JAZF1: variants seen among roughly 807,000 people sequenced by gnomAD.
JAZF1 encodes JAZF zinc finger 1, also known as juxtaposed with another zinc finger protein 1.
In JAZF1, 8 loss-of-function variants were observed where a neutral mutation model predicts 26.4. That is an observed-to-expected ratio of 0.30 (90% CI 0.18 to 0.55). JAZF1 has a LOEUF of 0.55. Ranked by LOEUF, JAZF1 falls within the 20% of genes least tolerant of loss-of-function variation. The probability of loss-of-function intolerance (pLI) is 0.94; values close to 1 mark genes in which losing one functional copy is unlikely to be tolerated. For synonymous variants in JAZF1, 126 were observed against 122.3 expected (o/e 1.03, Z -0.20); for missense variants, 199 against 322.0 (o/e 0.62, Z 2.92).
chr7:28,045,745 T>C (rs1169867040), intron 1 of JAZF1, among the ~76,000 whole-genome samples: 1 of 152,058 alleles, frequency 6.6e-6, no homozygotes, highest in East Asian at 1.9e-4. Context: ...TCCCGCTAAT[T>C]TTACTTTTTG....
chr7:27,916,106 G>T (rs1784440627), intron 2 of JAZF1, among the ~76,000 whole-genome samples: 1 of 152,120 alleles, frequency 6.6e-6, no homozygotes, highest in Non-Finnish European at 1.5e-5. Context: ...TAGTGAGCTG[G>T]AATTCTCTGG....
intron 3 of JAZF1, among the ~76,000 whole-genome samples, chr7:27,890,862 T>G (rs1465645220): frequency 6.8e-6 from 1 of 146,884 alleles, no homozygotes; most frequent in Non-Finnish European, 1.5e-5. Context: ...CAATCTCGGC[T>G]CACCGCAACC....
intron 1 of JAZF1, among the ~76,000 whole-genome samples, chr7:27,993,681 T>C (rs1384750196): frequency 6.6e-6 from 1 of 151,978 alleles, no homozygotes; most frequent in Non-Finnish European, 1.5e-5. Flanking sequence ...AACAAGAAAT[T>C]AGAGATAAAA....
chr7:27,960,888 A>G (rs749622671), intron 2 of JAZF1, among the ~76,000 whole-genome samples: 12 of 152,210 alleles, frequency 7.9e-5, no homozygotes, highest in Non-Finnish European at 1.3e-4. Context: ...AGAACAGACA[A>G]CAAACACAGC....
chr7:27,994,283 G>A (rs541888765), intron 1 of JAZF1, among the ~76,000 whole-genome samples: 3 of 152,198 alleles, frequency 2.0e-5, no homozygotes, highest in South Asian at 2.1e-4. Flanking sequence ...AATCAAGAAT[G>A]TTTAGCACTT....
At chr7:27,949,988 C>T (rs886997174) in intron 2 of JAZF1, among the ~76,000 whole-genome samples, 2 of 152,174 alleles carry the variant, frequency 1.3e-5, no homozygotes, top group African/African-American at 4.8e-5. Flanking sequence ...AGACACTCAG[C>T]TTCAGACCTA....
intron 2 of JAZF1, among the ~76,000 whole-genome samples, chr7:27,946,068 A>G (rs1784920593): frequency 6.6e-6 from 1 of 152,228 alleles, no homozygotes; most frequent in South Asian, 2.1e-4. Flanking sequence ...TTACTAGAAT[A>G]AAGGCTAATA....
chr7:27,859,518 A>G (rs940590667), intron 3 of JAZF1, among the ~76,000 whole-genome samples: 1 of 152,238 alleles, frequency 6.6e-6, no homozygotes, highest in Non-Finnish European at 1.5e-5. Flanking sequence ...GCACATATAC[A>G]CCATGGAATA....
In JAZF1 at chr7:27,867,778, T is replaced by C. The variant is rs112311564; in HGVS notation, c.386-26911A>G. Among the ~76,000 whole-genome samples the C allele has an allele frequency of 2.8e-3, 428 of 152,228 alleles. 3 individuals carry two copies. The highest frequency in any genetic ancestry group is 9.7e-3 in the African/African-American group (401 of 41,528). ...ATGACAACAAAGACCGAGGGAGAGGTAGACAGCGTGGCTGTCACTGCTCCC... is the reference window on the plus strand; with the variant it reads ...ATGACAACAAAGACCGAGGGAGAGGCAGACAGCGTGGCTGTCACTGCTCCC... On this transcript the variant is annotated intron_variant, in intron 3 of 4. Transcript: ENST00000283928.
intron 1 of JAZF1, among the ~76,000 whole-genome samples, chr7:28,013,393 T>C (rs1381468983): frequency 6.6e-6 from 1 of 152,078 alleles, no homozygotes; most frequent in Non-Finnish European, 1.5e-5. Context: ...GGAGGGCCAT[T>C]CAGGATGGCC....
intron 3 of JAZF1, among the ~76,000 whole-genome samples, chr7:27,889,494 T>C (rs1440536125): frequency 6.6e-6 from 1 of 152,218 alleles, no homozygotes; most frequent in African/African-American, 2.4e-5. Flanking sequence ...CTTCCAATCA[T>C]ATGTCCTAAG....
At chr7:28,158,753 C>T (rs1206434933) in intron 1 of JAZF1, among the ~76,000 whole-genome samples, 1 of 152,210 alleles carries the variant, frequency 6.6e-6, no homozygotes, top group Admixed American at 6.5e-5. Flanking sequence ...ACCCAAATAA[C>T]TTCTGACTGG....
At chr7:28,045,242 C>G (rs978901452) in intron 1 of JAZF1, among the ~76,000 whole-genome samples, 1 of 152,098 alleles carries the variant, frequency 6.6e-6, no homozygotes, top group African/African-American at 2.4e-5. Flanking sequence ...TGCCCTGAAG[C>G]CCATTTTCCC....
rs371770357 is a variant in JAZF1 at position 27,870,075 on chromosome 7, ATTTTTTTTT to A, written c.385+25136_385+25144del. Among the ~76,000 whole-genome samples the A allele has an allele frequency of 2.6e-3, 319 of 120,650 alleles. 1 individual carries two copies. The East Asian group carries it at 0.037, about 14-fold the overall frequency. The allele number at this position is 120,650 out of a possible 152,430, so 79.2% of individuals were successfully genotyped here. Reference sequence around the variant, plus strand: ...AGGCGCACACTGCCACACCCGGTTAATTTTTTTTTTTTTTTTTTTTTTTGTATTTTTAGT... The same window carrying A: ...AGGCGCACACTGCCACACCCGGTTAATTTTTTTTTTTTTTGTATTTTTAGT... On this transcript the variant is annotated intron_variant, in intron 3 of 4. Coordinates refer to ENST00000283928, the MANE Select transcript of JAZF1 (RefSeq NM_175061.4).
chr7:28,157,458 T>A (rs756074208), intron 1 of JAZF1, among the ~76,000 whole-genome samples: 1 of 152,258 alleles, frequency 6.6e-6, no homozygotes, highest in Non-Finnish European at 1.5e-5. Context: ...AATAAAACTT[T>A]ATTTATGGAC....
rs183198979 is a variant in JAZF1, at chr7:28,170,294, C to T, written c.115+10169G>A. On this transcript the variant is annotated intron_variant, in intron 1 of 4. Transcript: ENST00000283928. Reference sequence around the variant, plus strand: ...AAAATAAAGTACCTGAACATAATTACATGATTTTAATTTTGGAAATCTGAA... The same window carrying T: ...AAAATAAAGTACCTGAACATAATTATATGATTTTAATTTTGGAAATCTGAA... Among the ~76,000 whole-genome samples, 309 of 150,126 alleles carry T rather than the reference C, an allele frequency of 2.1e-3. 2 individuals are homozygous for T. The highest frequency in any genetic ancestry group is 7.0e-3 in the African/African-American group (284 of 40,610).
At chr7:28,064,457 C>A (rs969214629) in intron 1 of JAZF1, among the ~76,000 whole-genome samples, 3 of 152,088 alleles carry the variant, frequency 2.0e-5, no homozygotes, top group Non-Finnish European at 4.4e-5. Flanking sequence ...CTATTTATCA[C>A]CCATTCAACA....
At chr7:28,092,520 ACTG>A (rs930774339) in intron 1 of JAZF1, among the ~76,000 whole-genome samples, 1 of 151,892 alleles carries the variant, frequency 6.6e-6, no homozygotes, top group Non-Finnish European at 1.5e-5. Flanking sequence ...AGGAAAAGAA[ACTG>A]CTTAAACTAC....
intron 2 of JAZF1, among the ~76,000 whole-genome samples, chr7:27,936,056 C>T (rs1322034599): frequency 3.3e-5 from 5 of 152,126 alleles, no homozygotes; most frequent in African/African-American, 7.2e-5. Context: ...CTGGGAAGTT[C>T]GAAACAAGAA....
Sources: gnomAD v4.1 joint callset for allele counts (sites outside exome capture counted in the v4.1 genomes callset) on GRCh38, gnomAD v4.1.1 for gene constraint, MANE v1.5 for transcripts, NCBI Gene and HGNC (gene_info 2026-07-23, HGNC 2026-07-21) for gene names.